The following LRFN5 variants were observed in gnomAD, a reference collection of about 807,000 sequenced individuals.
LRFN5 encodes the protein leucine rich repeat and fibronectin type III domain containing 5.
Under a neutral mutation model 45.6 loss-of-function variants are expected in LRFN5, and 24 were observed. The ratio of observed to expected loss-of-function variants is 0.53; its 90% CI spans 0.38 to 0.74. The LOEUF is 0.74. Among genes scored for constraint, LRFN5 ranks in the 30% least tolerant of loss-of-function variants. The pLI is 0.00. For synonymous variants in LRFN5, 340 were observed against 313.8 expected, an observed-to-expected ratio of 1.08 and a Z score of -0.88; for missense variants, 776 against 861.5, an observed-to-expected ratio of 0.90 and a Z score of 1.24.
chr14:41,818,635 G>A (rs944515816), intron 2 of LRFN5, among the ~76,000 whole-genome samples: 3 of 151,988 alleles, frequency 2.0e-5, no homozygotes, highest in Admixed American at 1.3e-4. Flanking sequence ...CAAGTTTGTT[G>A]TGGCTACTTC....
At chr14:41,686,386 T>C (rs1882122783) in intron 1 of LRFN5, among the ~76,000 whole-genome samples, 1 of 152,122 alleles carries the variant, frequency 6.6e-6, no homozygotes, top group Admixed American at 6.6e-5. Context: ...TGGGGTTTTC[T>C]AAATATAAAA....
chr14:41,615,465 T>C (rs1055637145), intron 1 of LRFN5, among the ~76,000 whole-genome samples: 11 of 152,288 alleles, frequency 7.2e-5, no homozygotes, highest in Admixed American at 2.0e-4. Flanking sequence ...GACAGTTTTC[T>C]GTATATCGTG....
chr14:41,829,546 C>T (rs1055166265), intron 2 of LRFN5, among the ~76,000 whole-genome samples: 1 of 151,716 alleles, frequency 6.6e-6, no homozygotes, highest in South Asian at 2.1e-4. Context: ...TTATCCAGGT[C>T]TATTAATGGT....
chr14:41,641,799 G>T (rs1253214247), intron 1 of LRFN5, among the ~76,000 whole-genome samples: 1 of 152,116 alleles, frequency 6.6e-6, no homozygotes, highest in Non-Finnish European at 1.5e-5. Flanking sequence ...ATCAGAAAAT[G>T]AAGTTTTGAA....
intron 1 of LRFN5, among the ~76,000 whole-genome samples, chr14:41,673,418 G>A (rs10134330): frequency 0.27 from 38,223 of 140,910 alleles, 5,526 homozygotes; most frequent in Middle Eastern, 0.35. Context: ...CCTCACTGCC[G>A]GACCGGGCGG....
chr14:41,890,308 C>T (rs183047467), intron 3 of LRFN5, among the ~76,000 whole-genome samples: 28 of 152,246 alleles, frequency 1.8e-4, no homozygotes, highest in Middle Eastern at 3.4e-3. Flanking sequence ...GTTCATGTTT[C>T]TAGGATAATA....
intron 2 of LRFN5, among the ~76,000 whole-genome samples, chr14:41,832,347 T>C (rs1888514063): frequency 6.6e-6 from 1 of 152,172 alleles, no homozygotes; most frequent in South Asian, 2.1e-4. Context: ...TCCCCCCATT[T>C]CCAGAATACC....
At chr14:41,636,177 A>G (rs1879296494) in intron 1 of LRFN5, among the ~76,000 whole-genome samples, 1 of 152,174 alleles carries the variant, frequency 6.6e-6, no homozygotes, top group Non-Finnish European at 1.5e-5. Context: ...GATGAGTAAG[A>G]GAAATATTTG....
intron 1 of LRFN5, among the ~76,000 whole-genome samples, chr14:41,653,394 C>T (rs1254728762): frequency 1.3e-5 from 2 of 152,080 alleles, no homozygotes; most frequent in African/African-American, 4.8e-5. Flanking sequence ...AGCCAGTTCT[C>T]CCAGCACCAT....
chr14:41,694,209 CTGTT>C (rs1215921814), intron 1 of LRFN5, among the ~76,000 whole-genome samples: 2 of 151,832 alleles, frequency 1.3e-5, no homozygotes, highest in African/African-American at 4.8e-5. Flanking sequence ...GAAATTTACT[CTGTT>C]AGTTATTCTG....
chr14:41,751,284 C>T (rs1885120781), intron 1 of LRFN5, among the ~76,000 whole-genome samples: 1 of 151,978 alleles, frequency 6.6e-6, no homozygotes, highest in South Asian at 2.1e-4. Flanking sequence ...TAATAAAGTT[C>T]GGTGTTAATA....
chr14:41,624,788 C>T (rs1444338044), intron 1 of LRFN5, among the ~76,000 whole-genome samples: 2 of 152,150 alleles, frequency 1.3e-5, no homozygotes, highest in East Asian at 1.9e-4. Flanking sequence ...TCAGTTTCTT[C>T]ACAGTTTACC....
intron 2 of LRFN5, among the ~76,000 whole-genome samples, chr14:41,870,477 G>A (rs1889980339): frequency 6.6e-6 from 1 of 152,162 alleles, no homozygotes; most frequent in South Asian, 2.1e-4. Flanking sequence ...GAGGAGCAAA[G>A]TCATGTCTTA....
chr14:41,745,646 AG>A (rs1884889772), intron 1 of LRFN5, among the ~76,000 whole-genome samples: 2 of 105,924 alleles, frequency 1.9e-5, no homozygotes, highest in South Asian at 5.0e-4. Context: ...TAAGAAAAAA[AG>A]AGAAGATTCA....
chr14:41,812,528 A>G lies in LRFN5; in HGVS notation c.-21+45499A>G, dbSNP rs1887770739. On this transcript the variant is annotated intron_variant, in intron 2 of 5. Coordinates refer to ENST00000298119, the MANE Select transcript of LRFN5 (RefSeq NM_152447.5). ...CAACGATGGACAAAGATTATTCTCA[A>G]TTATATATACAAAGGCACACAGAAA... is the stretch of plus-strand genomic sequence containing the variant. 2.6e-5 allele frequency among the ~76,000 whole-genome samples: 4 copies of G among 151,852 alleles called. No homozygotes were observed. In the South Asian group the frequency reaches 8.3e-4, roughly 31 times the overall value.
intron 2 of LRFN5, among the ~76,000 whole-genome samples, chr14:41,778,050 A>G (rs1396685989): frequency 6.6e-6 from 1 of 150,730 alleles, no homozygotes; most frequent in African/African-American, 2.4e-5. Context: ...ATACTTTTGA[A>G]TATCTCAATA....
At chr14:41,814,953 TGGAAAAACATCCATCGAAAAAAGCA>T (rs1320476544) in intron 2 of LRFN5, among the ~76,000 whole-genome samples, 2 of 151,996 alleles carry the variant, frequency 1.3e-5, no homozygotes, top group Non-Finnish European at 2.9e-5. Flanking sequence ...AAGAACAGCA[TGGAAAAACATCCATCGAAAAAAGCA>T]TGGATGGCAC....
chr14:41,771,559 C>T (rs1425107760), intron 2 of LRFN5, among the ~76,000 whole-genome samples: 1 of 152,012 alleles, frequency 6.6e-6, no homozygotes, highest in African/African-American at 2.4e-5. Context: ...GCCAGATACC[C>T]TAAGTCATCA....
intron 2 of LRFN5, among the ~76,000 whole-genome samples, chr14:41,836,445 A>G (rs192430954): frequency 6.6e-6 from 1 of 152,330 alleles, no homozygotes. Context: ...ATATGCATGT[A>G]TAATATATGC....
Sources: allele counts gnomAD v4.1 joint callset (sites outside exome capture counted in the v4.1 genomes callset), GRCh38; gene constraint gnomAD v4.1.1; transcripts MANE v1.5; gene names NCBI Gene and HGNC (gene_info 2026-07-23, HGNC 2026-07-21).